RBBP8: variants seen among roughly 807,000 people sequenced by gnomAD.
RBBP8 encodes the protein RB binding protein 8, endonuclease.
A neutral mutation model predicts 108.3 loss-of-function variants in RBBP8; 88 were observed. The observed-to-expected ratio is 0.81, with a 90% CI of 0.68 to 0.97. The LOEUF (loss-of-function observed/expected upper bound fraction) is 0.97. RBBP8 is among the 50% of genes least tolerant of loss of function. The pLI is 0.00. For synonymous variants in RBBP8, 332 were observed against 348.2 expected (o/e 0.95, Z 0.52); for missense variants, 1,023 against 1,049.0 (o/e 0.98, Z 0.34).
intron 16 of RBBP8, among the ~76,000 whole-genome samples, chr18:23,008,932 C>T (rs1235817289): frequency 6.6e-6 from 1 of 151,902 alleles, no homozygotes; most frequent in African/African-American, 2.4e-5. Context: ...CACCACCACA[C>T]CTGGCTAATT....
intron 5 of RBBP8, among the ~76,000 whole-genome samples, chr18:22,972,021 T>C (rs1290657935): frequency 6.6e-6 from 1 of 151,872 alleles, no homozygotes; most frequent in East Asian, 1.9e-4. Flanking sequence ...AAATCATCAT[T>C]TTGTTCATTC....
intron 6 of RBBP8, among the ~76,000 whole-genome samples, chr18:22,977,196 AGTTTT>A (rs113914634): frequency 4.6e-5 from 7 of 151,936 alleles, no homozygotes; most frequent in Middle Eastern, 6.8e-3. Flanking sequence ...TTTGCTCAGC[AGTTTT>A]GTTTTGTTTT....
At chr18:22,969,739 G>A (rs962022967) in intron 5 of RBBP8, among the ~76,000 whole-genome samples, 5 of 151,936 alleles carry the variant, frequency 3.3e-5, no homozygotes, top group African/African-American at 7.3e-5. Context: ...GTTAGACCCC[G>A]CTTCCCTCCC....
At chr18:22,921,115 C>T (rs1909576134) in intron 3 of RBBP8, among the ~76,000 whole-genome samples, 1 of 152,118 alleles carries the variant, frequency 6.6e-6, no homozygotes, top group African/African-American at 2.4e-5. Flanking sequence ...TCTAGGTTCT[C>T]CATGAGAGTA....
intron 14 of RBBP8, among the ~76,000 whole-genome samples, chr18:23,000,375 T>G (rs1305760710): frequency 1.3e-5 from 2 of 152,186 alleles, no homozygotes; most frequent in African/African-American, 2.4e-5. Context: ...AATTCCTAAT[T>G]TCTAGTAATA....
chr18:23,008,735 C>T (rs1375994783), intron 16 of RBBP8, among the ~76,000 whole-genome samples: 2 of 148,470 alleles, frequency 1.3e-5, no homozygotes, highest in African/African-American at 5.0e-5. Flanking sequence ...TTTAGGTGGA[C>T]AGAGTTAGGA....
chr18:22,985,999 C>G (rs1567978651), intron 8 of RBBP8, among the ~76,000 whole-genome samples: 1 of 151,874 alleles, frequency 6.6e-6, no homozygotes, highest in African/African-American at 2.4e-5. Flanking sequence ...CCCCCTCCCC[C>G]CAGTCCCTTC....
chr18:22,951,923 G>A (rs973482), intron 4 of RBBP8, among the ~76,000 whole-genome samples: 27,009 of 152,220 alleles, frequency 0.18, 3,095 homozygotes, highest in East Asian at 0.4. Context: ...TCACCATGGA[G>A]TTGGGGTGCT....
chr18:22,949,247 T>A (rs559650410), intron 3 of RBBP8, among the ~76,000 whole-genome samples: 18 of 152,286 alleles, frequency 1.2e-4, no homozygotes, highest in Admixed American at 1.2e-3. Context: ...CAAGACCAGG[T>A]AAAAATTTTA....
At chr18:22,992,317 A>G (rs1421222446) in intron 10 of RBBP8, among the ~76,000 whole-genome samples, 3 of 152,244 alleles carry the variant, frequency 2.0e-5, no homozygotes, top group African/African-American at 7.2e-5. Context: ...TGCCTTAGCC[A>G]CCAGAGTAGC....
chr18:22,921,669 G>A (rs980540215), intron 3 of RBBP8, among the ~76,000 whole-genome samples: 2 of 152,166 alleles, frequency 1.3e-5, no homozygotes, highest in African/African-American at 4.8e-5. Flanking sequence ...AAATGGAGAG[G>A]AAGGAACTTT....
intron 4 of RBBP8, among the ~76,000 whole-genome samples, chr18:22,954,489 A>G (rs758454471): frequency 2.4e-4 from 36 of 152,186 alleles, no homozygotes; most frequent in Admixed American, 5.9e-4. Flanking sequence ...CTGATACAAG[A>G]GGTGGGTTCC....
intron 4 of RBBP8, 47 bp downstream of exon 4, chr18:22,949,760 A>G (rs766273236): frequency 2.2e-6 from 3 of 1,349,604 alleles, no homozygotes; most frequent in Admixed American, 3.4e-5. Flanking sequence ...TTCCTCCATA[A>G]TAAGAAGTAC....
intron 13 of RBBP8, 130 bp downstream of exon 13, chr18:22,996,592 C>G: frequency 7.0e-7 from 1 of 1,431,814 alleles, no homozygotes; most frequent in Admixed American, 2.6e-5. Context: ...TGTATTTATG[C>G]AGAAAATTAA....
At chr18:22,992,535 T>C (rs1329653668) in intron 10 of RBBP8, among the ~76,000 whole-genome samples, 1 of 152,210 alleles carries the variant, frequency 6.6e-6, no homozygotes, top group East Asian at 1.9e-4. Flanking sequence ...TTAAAGTACT[T>C]AGGAAAAATT....
In RBBP8 at chr18:23,026,430, CT is replaced by C; in HGVS notation, c.*191del. 1 of 559,678 alleles carries C rather than the reference CT, an allele frequency of 1.8e-6. No individual in the cohort carries two copies. Among genetic ancestry groups the C allele is most frequent in the East Asian group, 3.3e-5 (1 of 30,498 alleles). 34.7% of individuals were successfully genotyped at this position (559,678 alleles called of 1,614,324 possible). On this transcript the variant is annotated 3_prime_UTR_variant, in exon 19 of 19. Transcript: ENST00000327155. The stretch of plus-strand genomic sequence containing the variant: ...CAATAAGGCGCTTTCATTTTGCACT[CT>C]AACTTAAGAGTTTTTACTTTATGTA...
intron 2 of RBBP8, among the ~76,000 whole-genome samples, chr18:22,937,405 T>A (rs1476730875): frequency 6.6e-6 from 1 of 152,226 alleles, no homozygotes; most frequent in East Asian, 1.9e-4. Flanking sequence ...TTGTATTCCA[T>A]GATGTATATA....
intron 4 of RBBP8, among the ~76,000 whole-genome samples, chr18:22,964,377 T>G (rs1567964299): frequency 1.3e-5 from 2 of 151,138 alleles, no homozygotes; most frequent in East Asian, 1.9e-4. Context: ...ACTTAGGTTT[T>G]TTTTTTTTTT....
chr18:22,980,269 A>T (rs1325641753), intron 6 of RBBP8, among the ~76,000 whole-genome samples: 1 of 152,164 alleles, frequency 6.6e-6, no homozygotes, highest in Non-Finnish European at 1.5e-5. Context: ...AATAAATAAA[A>T]ATGAGTAAAT....
Sources: gnomAD v4.1 joint callset for allele counts (sites outside exome capture counted in the v4.1 genomes callset) on GRCh38, gnomAD v4.1.1 for gene constraint, MANE v1.5 for transcripts, NCBI Gene and HGNC (gene_info 2026-07-23, HGNC 2026-07-21) for gene names.